RBBP9: variants seen among roughly 807,000 people sequenced by gnomAD.
RBBP9 encodes serine hydrolase RBBP9.
Under a neutral mutation model 24.2 loss-of-function variants are expected in RBBP9, and 20 were observed. That is an observed-to-expected ratio of 0.83 (90% CI 0.58 to 1.20). RBBP9 has a LOEUF of 1.20. RBBP9 is among the 50% of genes most tolerant of loss of function. RBBP9 has a pLI of 0.00. For synonymous variants in RBBP9, 74 were observed against 84.6 expected, an observed-to-expected ratio of 0.87 and a Z score of 0.69; for missense variants, 234 against 233.6, an observed-to-expected ratio of 1.00 and a Z score of -0.01.
rs1416660797 is a variant in RBBP9 at position 18,495,878 on chromosome 20, T to A, written c.102A>T (p.Ile34=). The part of the protein sequence containing the change: ...YGWVKKELEK[I]PGFQCLAKNM... ...TTTTAGCCAAACACTGGAAACCAGG[T>A]ATCTATGATATGAGGGGGGAGAAAA... Residue 34 remains isoleucine (I), a splice_region_variant and synonymous_variant, in exon 2 of 5, where the codon ATA becomes ATT. Transcript: ENST00000337227. The A allele has an allele frequency of 2.6e-6, 4 of 1,550,378 alleles. No individual in the cohort carries two copies. Among genetic ancestry groups the A allele is most frequent in the Admixed American group, 3.6e-5 (2 of 56,104 alleles).
At chr20:18,496,173 T>G (rs1226731325) in intron 1 of RBBP9, among the ~76,000 whole-genome samples, 3 of 152,240 alleles carry the variant, frequency 2.0e-5, no homozygotes, top group Admixed American at 1.3e-4. Context: ...CTAGACAGAC[T>G]GACCTGGAGC....
chr20:18,490,029 T>C (rs2059859506), intron 4 of RBBP9, 39 bp from the exon 5 acceptor site: 4 of 1,397,276 alleles, frequency 2.9e-6, no homozygotes, highest in Admixed American at 1.9e-5. Flanking sequence ...TACCCATGGA[T>C]AATCTCCCTT....
chr20:18,489,281 A>G lies in RBBP9; in HGVS notation c.*483T>C, dbSNP rs1037860039. On this transcript the variant is annotated 3_prime_UTR_variant, in exon 5 of 5. Coordinates refer to ENST00000337227, the MANE Select transcript of RBBP9 (RefSeq NM_006606.3). ...GGCAAGTGTCAGAGGTGAAGGCCCT[A>G]GTCTGAGTTTAATGTCTGGGGCCAG... The G allele has an allele frequency of 3.3e-5, 5 of 152,976 alleles. No individual in the cohort carries two copies. Among genetic ancestry groups the G allele is most frequent in the African/African-American group, 1.2e-4 (5 of 41,462 alleles). 9.5% of individuals were successfully genotyped at this position (152,976 alleles called of 1,614,324 possible).
chr20:18,495,621 A>C (rs1173811629), intron 2 of RBBP9, among the ~76,000 whole-genome samples: 2 of 132,576 alleles, frequency 1.5e-5, no homozygotes, highest in Admixed American at 1.5e-4. Flanking sequence ...ATAAATAAAT[A>C]AAAATGACAA....
At chr20:18,494,202 G>T in intron 2 of RBBP9, 139 bp from the exon 3 acceptor site, 1 of 592,150 alleles carries the variant, frequency 1.7e-6, no homozygotes, top group Non-Finnish European at 2.9e-6. Context: ...AGACCAGACT[G>T]TATTAACAAA....
rs35822681 is a variant in RBBP9, at chr20:18,488,971, G to GTGTGTGTGTGTATATA, written c.*792_*793insTATATACACACACACA. Reference sequence around the variant, plus strand: ...TATGTGTATGTGTGTGTGTGTGTGTGTATATATATATATATTTGCATTCCC... The same window carrying GTGTGTGTGTGTATATA: ...TATGTGTATGTGTGTGTGTGTGTGTGTGTGTGTGTGTATATATATATATATATATATTTGCATTCCC... On this transcript the variant is annotated 3_prime_UTR_variant, in exon 5 of 5. Transcript: ENST00000337227. 5 of 148,702 alleles carry GTGTGTGTGTGTATATA rather than the reference G, an allele frequency of 3.4e-5. No individual in the cohort carries two copies. Among genetic ancestry groups the GTGTGTGTGTGTATATA allele is most frequent in the African/African-American group, 1.2e-4 (5 of 40,488 alleles). 9.2% of individuals were successfully genotyped at this position (148,702 alleles called of 1,614,324 possible). A position where few individuals can be genotyped will look rare whatever the true frequency, so the allele number is the denominator to read the frequency against.
intron 2 of RBBP9, among the ~76,000 whole-genome samples, chr20:18,494,282 C>CTTTTTTTTT (rs34967358): frequency 4.1e-5 from 5 of 122,118 alleles, no homozygotes; most frequent in African/African-American, 1.2e-4. Context: ...TTTCTTTTCT[C>CTTTTTTTTT]TTTTTTTTTT....
chr20:18,497,219 A>C lies in RBBP9; in HGVS notation c.-52T>G. 6.8e-7 allele frequency: 1 copy of C among 1,461,166 alleles called. No homozygotes were observed. The highest frequency in any genetic ancestry group is 1.4e-5 in the African/African-American group (1 of 71,626). The allele number at this position is 1,461,166 out of a possible 1,614,324, so 90.5% of individuals were successfully genotyped here. A position where few individuals can be genotyped will look rare whatever the true frequency, so the allele number is the denominator to read the frequency against. ...GCGCGGGTCCAGCGGAGCTGAGCCC[A>C]GCCTGCTCCCGCAGGGAGCCTGCGC... On this transcript the variant is annotated 5_prime_UTR_variant, in exon 1 of 5. Transcript: ENST00000337227.
chr20:18,495,739 T>G, intron 2 of RBBP9, 99 bp downstream of exon 2: 1 of 1,221,864 alleles, frequency 8.2e-7, no homozygotes, highest in Non-Finnish European at 1.2e-6. Context: ...TATAGGCATC[T>G]TTGGTTCCTC....
rs1234842686 is a variant in RBBP9 at position 18,489,481 on chromosome 20, G to C, written c.*283C>G. The C allele has an allele frequency of 7.4e-6, 2 of 269,304 alleles. No individual in the cohort carries two copies. The highest frequency in any genetic ancestry group is 1.4e-5 in the Non-Finnish European group (2 of 143,544). The allele number at this position is 269,304 out of a possible 1,614,324, so 16.7% of individuals were successfully genotyped here. A position where few individuals can be genotyped will look rare whatever the true frequency, so the allele number is the denominator to read the frequency against. On this transcript the variant is annotated 3_prime_UTR_variant, in exon 5 of 5. Transcript: ENST00000337227. ...CAGGAGTGGGAATCAAGAAACCTGGGTTCTGTTTCTGACTCACTTCGGATA... is the reference window on the plus strand; with the variant it reads ...CAGGAGTGGGAATCAAGAAACCTGGCTTCTGTTTCTGACTCACTTCGGATA...
rs971713483 is a variant in RBBP9 at position 18,486,587 on chromosome 20, CAA to C, written c.*3175_*3176del. On this transcript the variant is annotated 3_prime_UTR_variant, in exon 5 of 5. Coordinates refer to ENST00000337227, the MANE Select transcript of RBBP9 (RefSeq NM_006606.3). ...AATTCTGAAAATTAACTGAAGGAGA[CAA>C]GAGACAATTTAAAATTACAGCACCT... is the stretch of plus-strand genomic sequence containing the variant. The C allele has an allele frequency of 4.6e-5, 7 of 151,932 alleles. No individual in the cohort carries two copies. Among genetic ancestry groups the C allele is most frequent in the African/African-American group, 1.2e-4 (5 of 41,342 alleles). The allele number at this position is 151,932 out of a possible 1,614,324, so 9.4% of individuals were successfully genotyped here.
rs1349057678 is a variant in RBBP9, at chr20:18,495,611, AT to A, written c.142+226del. Among the ~76,000 whole-genome samples the A allele has an allele frequency of 1.0e-4, 15 of 149,376 alleles. No individual in the cohort carries two copies. The South Asian group carries it at 2.1e-3, about 21-fold the overall frequency. ...AATAAATAAATAAATAAATAAATAA[AT>A]AAATAAATAAAAATGACAAATTCAC... On this transcript the variant is annotated intron_variant, in intron 2 of 4. Coordinates refer to ENST00000337227, the MANE Select transcript of RBBP9 (RefSeq NM_006606.3).
chr20:18,489,706 G>A lies in RBBP9; in HGVS notation c.*58C>T. 8.7e-7 allele frequency: 1 copy of A among 1,144,612 alleles called. No homozygotes were observed. The allele number at this position is 1,144,612 out of a possible 1,614,324, so 70.9% of individuals were successfully genotyped here. A position where few individuals can be genotyped will look rare whatever the true frequency, so the allele number is the denominator to read the frequency against. On this transcript the variant is annotated 3_prime_UTR_variant, in exon 5 of 5. Transcript: ENST00000337227. ...TGTTCTATGTGTCTAGTAATCAGCT[G>A]ATAGTAGATATTATTCTACTCCTAT...
At position 18,490,485 on chromosome 20, in the gene RBBP9, A is replaced by G. The variant is rs761467060; in HGVS notation, c.249-5T>C. The G allele has an allele frequency of 6.2e-6, 10 of 1,601,752 alleles. No homozygotes were observed. In the African/African-American group the frequency reaches 1.3e-4, roughly 21 times the overall value. On this transcript the variant is annotated splice_polypyrimidine_tract_variant and splice_region_variant and intron_variant, in intron 3 of 4. Transcript: ENST00000337227. The stretch of plus-strand genomic sequence containing the variant: ...ACTCGATGTGTTTCTGCATACCTGG[A>G]GAAACAAAAATGATGTCAGCTAATA...
intron 3 of RBBP9, among the ~76,000 whole-genome samples, chr20:18,492,746 T>C (rs544137334): frequency 6.6e-6 from 1 of 152,352 alleles, no homozygotes; most frequent in African/African-American, 2.4e-5. Context: ...CTTGCCTCCC[T>C]TAACTTTAGA....
chr20:18,488,114 A>G lies in RBBP9; in HGVS notation c.*1650T>C, dbSNP rs1179741075. 3 of 152,152 alleles carry G rather than the reference A, an allele frequency of 2.0e-5. No individual in the cohort carries two copies. Among genetic ancestry groups the G allele is most frequent in the Non-Finnish European group, 4.4e-5 (3 of 68,028 alleles). 9.4% of individuals were successfully genotyped at this position (152,152 alleles called of 1,614,324 possible). On this transcript the variant is annotated 3_prime_UTR_variant, in exon 5 of 5. Transcript: ENST00000337227. Reference sequence around the variant, plus strand: ...TGAGCGATAGCTCTGAATCTCCTTTAGGTATGAAGTGTAGGAAATTGTATT... The same window carrying G: ...TGAGCGATAGCTCTGAATCTCCTTTGGGTATGAAGTGTAGGAAATTGTATT...
rs2059856420 is a variant in RBBP9, at chr20:18,489,597, T to C, written c.*167A>G. 3.5e-6 allele frequency: 2 copies of C among 572,330 alleles called. No individual in the cohort carries two copies. Among genetic ancestry groups the C allele is most frequent in the Non-Finnish European group, 6.2e-6 (2 of 321,878 alleles). 35.5% of individuals were successfully genotyped at this position (572,330 alleles called of 1,614,324 possible). A position where few individuals can be genotyped will look rare whatever the true frequency, so the allele number is the denominator to read the frequency against. ...GCAATTTGGGGAGTTTTAGAGTCTA[T>C]GGAAAATGGAAGTGCTATTTGTAAC... On this transcript the variant is annotated 3_prime_UTR_variant, in exon 5 of 5. Coordinates refer to ENST00000337227, the MANE Select transcript of RBBP9 (RefSeq NM_006606.3).
At position 18,489,320 on chromosome 20, in the gene RBBP9, C is replaced by T. The variant is rs1206285498; in HGVS notation, c.*444G>A. On this transcript the variant is annotated 3_prime_UTR_variant, in exon 5 of 5. Coordinates refer to ENST00000337227, the MANE Select transcript of RBBP9 (RefSeq NM_006606.3). ...GTCTGGGGCCAGCTTGAAACAGCAG[C>T]TAGTATTTTGAGCTCTAAGCTAACA... 6 of 153,066 alleles carry T rather than the reference C, an allele frequency of 3.9e-5. No homozygotes were observed. Among genetic ancestry groups the T allele is most frequent in the African/African-American group, 1.4e-4 (6 of 41,458 alleles). 9.5% of individuals were successfully genotyped at this position (153,066 alleles called of 1,614,324 possible).
chr20:18,495,328 C>CAGGGT (rs1427406912), intron 2 of RBBP9, among the ~76,000 whole-genome samples: 4 of 145,964 alleles, frequency 2.7e-5, no homozygotes, highest in African/African-American at 1.0e-4. Flanking sequence ...TGTGTCCACT[C>CAGGGT]AGGGTTAAAT....
Sources: gnomAD v4.1 joint callset for allele counts (sites outside exome capture counted in the v4.1 genomes callset) on GRCh38, gnomAD v4.1.1 for gene constraint, MANE v1.5 for transcripts, NCBI Gene and HGNC (gene_info 2026-07-23, HGNC 2026-07-21) for gene names.